MATN2: variants seen among roughly 807,000 people sequenced by gnomAD.
MATN2 encodes matrilin-2.
In MATN2, 69 loss-of-function variants were observed where a neutral mutation model predicts 103.2. The observed-to-expected ratio is 0.67, with a 90% CI of 0.55 to 0.82. The LOEUF (loss-of-function observed/expected upper bound fraction) is 0.82, where lower values mean the gene tolerates loss of function less well. Ranked by LOEUF, MATN2 falls within the 40% of genes least tolerant of loss-of-function variation. The pLI is 0.00. For missense variants in MATN2, 1,023 were observed against 1,211.5 expected (o/e 0.84, Z 2.31); for synonymous variants, 429 against 450.2 (o/e 0.95, Z 0.60).
chr8:98,006,502 G>GC (rs1391308973), intron 8 of MATN2, among the ~76,000 whole-genome samples: 1 of 152,202 alleles, frequency 6.6e-6, no homozygotes, highest in Non-Finnish European at 1.5e-5. Flanking sequence ...CCGTGGGACT[G>GC]CCCAGCATCC....
intron 13 of MATN2, among the ~76,000 whole-genome samples, chr8:98,026,999 ATC>A (rs959413726): frequency 6.6e-6 from 1 of 151,982 alleles, no homozygotes; most frequent in African/African-American, 2.4e-5. Flanking sequence ...AGCTGAAGAA[ATC>A]TCTTTCTCCA....
At chr8:97,927,811 G>A (rs1312564557) in intron 2 of MATN2, among the ~76,000 whole-genome samples, 1 of 152,158 alleles carries the variant, frequency 6.6e-6, no homozygotes, top group Non-Finnish European at 1.5e-5. Context: ...TGATTGTGAT[G>A]CTTGGATAGA....
chr8:97,880,689 A>G (rs1242972307), intron 1 of MATN2, among the ~76,000 whole-genome samples: 1 of 152,194 alleles, frequency 6.6e-6, no homozygotes, highest in Non-Finnish European at 1.5e-5. Context: ...TGTTAATCCG[A>G]CTGGGCTGAT....
intron 2 of MATN2, among the ~76,000 whole-genome samples, chr8:97,927,555 A>G (rs892892744): frequency 1.3e-5 from 2 of 152,192 alleles, no homozygotes; most frequent in African/African-American, 4.8e-5. Flanking sequence ...AAGCTATGAG[A>G]CTGTGGTTCT....
chr8:97,956,762 G>A (rs1372530984), intron 4 of MATN2, among the ~76,000 whole-genome samples: 2 of 152,178 alleles, frequency 1.3e-5, no homozygotes, highest in Non-Finnish European at 2.9e-5. Context: ...CTCTTCTGGT[G>A]TGTGAATACC....
intron 2 of MATN2, among the ~76,000 whole-genome samples, chr8:97,895,635 T>C (rs1184483691): frequency 6.6e-6 from 1 of 152,232 alleles, no homozygotes; most frequent in Non-Finnish European, 1.5e-5. Flanking sequence ...TGCACTTGTC[T>C]CATTTTACTA....
chr8:97,943,397 TTCTCTG>T (rs1810637714), intron 4 of MATN2, among the ~76,000 whole-genome samples: 1 of 142,074 alleles, frequency 7.0e-6, no homozygotes, highest in Admixed American at 7.4e-5. Flanking sequence ...CTCCTTCTCC[TTCTCTG>T]TCTCCTTCTC....
At chr8:98,008,505 A>G (rs1813049362) in intron 10 of MATN2, among the ~76,000 whole-genome samples, 1 of 152,198 alleles carries the variant, frequency 6.6e-6, no homozygotes, top group Non-Finnish European at 1.5e-5. Flanking sequence ...CTATTCATCT[A>G]GGCAGATGAG....
chr8:97,975,878 T>C (rs938980458), intron 5 of MATN2, among the ~76,000 whole-genome samples: 4 of 152,186 alleles, frequency 2.6e-5, no homozygotes, highest in South Asian at 2.1e-4. Flanking sequence ...AGTGTCACCA[T>C]TGATTCTTTT....
chr8:97,988,171 A>AATATATATATAT (rs1554611754), intron 6 of MATN2, among the ~76,000 whole-genome samples: 10 of 46,106 alleles, frequency 2.2e-4, no homozygotes, highest in African/African-American at 1.3e-3. Context: ...AAAAAAAAAA[A>AATATATATATAT]ATATATATAT....
At chr8:98,023,889 A>G (rs1019123537) in intron 13 of MATN2, among the ~76,000 whole-genome samples, 1 of 152,336 alleles carries the variant, frequency 6.6e-6, no homozygotes. Context: ...TGTCCTTTGC[A>G]GGGACATGGA....
intron 1 of MATN2, among the ~76,000 whole-genome samples, chr8:97,884,773 T>TAAC (rs200495037): frequency 0.059 from 8,905 of 151,788 alleles, 275 homozygotes; most frequent in African/African-American, 0.08. Context: ...TGTCTCCAAA[T>TAAC]AACAACAACA....
At chr8:97,929,547 C>T (rs1586055813) in intron 2 of MATN2, among the ~76,000 whole-genome samples, 1 of 152,184 alleles carries the variant, frequency 6.6e-6, no homozygotes. Context: ...ATATCACCCT[C>T]GTACTAGAAA....
At chr8:97,889,807 C>T (rs188155090) in intron 2 of MATN2, among the ~76,000 whole-genome samples, 1 of 152,072 alleles carries the variant, frequency 6.6e-6, no homozygotes, top group South Asian at 2.1e-4. Context: ...GGGCTGGTCT[C>T]AGGAAAAGCC....
intron 6 of MATN2, among the ~76,000 whole-genome samples, chr8:97,990,436 G>A (rs1338651515): frequency 1.3e-5 from 2 of 152,178 alleles, no homozygotes; most frequent in African/African-American, 4.8e-5. Flanking sequence ...GAATGTTTAA[G>A]CAGTTAAGCA....
At chr8:98,006,550 G>A (rs1207229511) in intron 8 of MATN2, among the ~76,000 whole-genome samples, 1 of 152,206 alleles carries the variant, frequency 6.6e-6, no homozygotes, top group African/African-American at 2.4e-5. Flanking sequence ...TTGAACCCAG[G>A]TAGTTTGATG....
At position 97,953,585 on chromosome 8, in the gene MATN2, G is replaced by A. The variant is rs146806692; in HGVS notation, c.836-7823G>A. Reference sequence around the variant, plus strand: ...GCAGATCACCTGAGGTCAGGAGTTCGAGATCAGCCTGGGCAACACGGTGAA... The same window carrying A: ...GCAGATCACCTGAGGTCAGGAGTTCAAGATCAGCCTGGGCAACACGGTGAA... On this transcript the variant is annotated intron_variant, in intron 4 of 18. Transcript: ENST00000254898. Among the ~76,000 whole-genome samples the A allele has an allele frequency of 5.9e-3, 899 of 152,214 alleles. 7 individuals are homozygous for A. Among genetic ancestry groups the A allele is most frequent in the African/African-American group, 0.02 (810 of 41,534 alleles).
intron 2 of MATN2, among the ~76,000 whole-genome samples, chr8:97,909,671 G>A (rs1278233780): frequency 2.0e-5 from 3 of 152,314 alleles, no homozygotes; most frequent in Middle Eastern, 3.4e-3. Flanking sequence ...AGGGGCCCAC[G>A]GTAGGAGATG....
At chr8:97,887,035 G>A (rs986943309) in intron 1 of MATN2, among the ~76,000 whole-genome samples, 11 of 151,810 alleles carry the variant, frequency 7.2e-5, no homozygotes, top group African/African-American at 2.7e-4. Context: ...AGGACTGCAG[G>A]CACGAGCCAC....
Sources: allele counts gnomAD v4.1 joint callset (sites outside exome capture counted in the v4.1 genomes callset), GRCh38; gene constraint gnomAD v4.1.1; transcripts MANE v1.5; gene names NCBI Gene and HGNC (gene_info 2026-07-23, HGNC 2026-07-21).